CENPF: variants seen among roughly 807,000 people sequenced by gnomAD.
The protein encoded by CENPF is AH antigen.
CENPF carries 214 observed loss-of-function variants against 307.3 expected under a neutral mutation model. The ratio of observed to expected loss-of-function variants is 0.70; its 90% CI spans 0.62 to 0.78. CENPF has a LOEUF of 0.78. Ranked by LOEUF, CENPF falls within the 30% of genes least tolerant of loss-of-function variation. The probability of loss-of-function intolerance (pLI) is 0.00; values close to 1 mark genes in which losing one functional copy is unlikely to be tolerated. For missense variants in CENPF, 3,401 were observed against 3,483.9 expected (o/e 0.98, Z 0.60); for synonymous variants, 1,259 against 1,270.6 (o/e 0.99, Z 0.19).
At chr1:214,623,834 G>A (rs970080066) in intron 7 of CENPF, among the ~76,000 whole-genome samples, 1 of 152,080 alleles carries the variant, frequency 6.6e-6, no homozygotes, top group Admixed American at 6.5e-5. Flanking sequence ...CAAAAATAAA[G>A]TAACATAGAT....
At chr1:214,611,939 G>A (rs185432430) in intron 1 of CENPF, among the ~76,000 whole-genome samples, 9 of 152,286 alleles carry the variant, frequency 5.9e-5, no homozygotes, top group African/African-American at 2.2e-4. Context: ...GGGGTAGTTT[G>A]ACTTCCTCTC....
In CENPF at chr1:214,644,695, A is replaced by G. The variant is rs904491544; in HGVS notation, c.5125A>G (p.Ile1709Val). 4.3e-6 allele frequency: 7 copies of G among 1,614,022 alleles called. No individual in the cohort carries two copies. The highest frequency in any genetic ancestry group is 2.2e-5 in the South Asian group (2 of 91,076). The change falls in exon 13 of 20, where the codon ATA becomes GTA. Residue 1709 changes from isoleucine (I) to valine (V), a missense_variant. Physicochemically the swap from Ile to Val is conservative, Grantham distance 29. Coordinates refer to ENST00000366955, the MANE Select transcript of CENPF (RefSeq NM_016343.4). ...GGACCTCAATCTAGACATTGAGAAAATAACTGAGACTGGTGCAGTGAAACC... is the reference window on the plus strand; with the variant it reads ...GGACCTCAATCTAGACATTGAGAAAGTAACTGAGACTGGTGCAGTGAAACC... ...QQDLNLDIEK[I>V]TETGAVKPTG... is the part of the protein sequence containing the mutation.
At chr1:214,621,916 G>T (rs1259441483) in intron 6 of CENPF, among the ~76,000 whole-genome samples, 163 bp from the exon 7 acceptor site, 3 of 152,292 alleles carry the variant, frequency 2.0e-5, no homozygotes, top group Non-Finnish European at 2.9e-5. Context: ...AATGACAATA[G>T]AAACTAACTA....
intron 8 of CENPF, 114 bp from the exon 9 acceptor site, chr1:214,630,420 C>G: frequency 1.5e-6 from 2 of 1,293,506 alleles, no homozygotes; most frequent in East Asian, 2.3e-5. Context: ...TGGCTCAGCT[C>G]CCTGCTGTCT....
chr1:214,639,416 C>T (rs1658047022), intron 11 of CENPF, among the ~76,000 whole-genome samples: 2 of 152,170 alleles, frequency 1.3e-5, no homozygotes, highest in South Asian at 2.1e-4. Flanking sequence ...ATCATTTACT[C>T]TTTTCTACTT....
In CENPF at chr1:214,642,815, T is replaced by G. The variant is rs764798010; in HGVS notation, c.4477T>G (p.Ser1493Ala). 63 of 1,613,794 alleles carry G rather than the reference T, an allele frequency of 3.9e-5. No homozygotes were observed. The highest frequency in any genetic ancestry group is 4.9e-5 in the Non-Finnish European group (58 of 1,179,956). The change falls in exon 12 of 20, where the codon TCC becomes GCC. Residue 1493 changes from serine (S) to alanine (A), a missense_variant. By Grantham distance (99) the Ser-to-Ala change is moderately conservative. Transcript: ENST00000366955. The stretch of plus-strand genomic sequence containing the variant: ...CTCTAGTCTTAGCAGTTTGGGAGAC[T>G]CCTCCTTTTACAGAGCTCTTTTAGA... ...DSSSLSSLGD[S>A]SFYRALLEQT... is the part of the protein sequence containing the mutation.
chr1:214,645,794 T>G lies in CENPF; in HGVS notation c.6224T>G (p.Leu2075Arg). 6.2e-7 allele frequency: 1 copy of G among 1,614,194 alleles called. No individual in the cohort carries two copies. Among genetic ancestry groups the G allele is most frequent in the Non-Finnish European group, 8.5e-7 (1 of 1,180,030 alleles). ...KELLVKESES[L>R]QARLSESDYE... is the part of the protein sequence containing the mutation. ...TTGCTTGTCAAGGAATCTGAAAGCC[T>G]GCAGGCCAGACTGAGTGAATCAGAT... Residue 2075 changes from leucine to arginine, a missense_variant, in exon 13 of 20, where the codon CTG (leucine) becomes CGG (arginine). Coordinates refer to ENST00000366955, the MANE Select transcript of CENPF (RefSeq NM_016343.4).
At chr1:214,654,354 C>G (rs944898897) in intron 16 of CENPF, 1 of 152,306 alleles carries the variant, frequency 6.6e-6, no homozygotes, top group Non-Finnish European at 1.5e-5. Flanking sequence ...AGGAGGATCA[C>G]TTGAGGCCAG....
At position 214,641,088 on chromosome 1, in the gene CENPF, A is replaced by G. The variant is rs1448272219; in HGVS notation, c.2750A>G (p.Asn917Ser). 6.4e-7 allele frequency: 1 copy of G among 1,568,744 alleles called. No homozygotes were observed. The highest frequency in any genetic ancestry group is 8.6e-7 in the Non-Finnish European group (1 of 1,166,668). Reference sequence around the variant, plus strand: ...AAGGAAAAAGAGCTGCAACTTTTAAATGATAAGGTAGAAACTGAGCAGGCA... The same window carrying G: ...AAGGAAAAAGAGCTGCAACTTTTAAGTGATAAGGTAGAAACTGAGCAGGCA... ...ENKEKELQLL[N>S]DKVETEQAEI... Residue 917 changes from asparagine to serine, a missense_variant, in exon 12 of 20, where the codon AAT becomes AGT. Coordinates refer to ENST00000366955, the MANE Select transcript of CENPF (RefSeq NM_016343.4).
Position 214,663,704 on chromosome 1 carries a change from A to G in CENPF, c.9255A>G (p.Arg3085=). Residue 3085 remains arginine (R), a synonymous_variant, in exon 20 of 20, where the codon AGA becomes AGG. Coordinates refer to ENST00000366955, the MANE Select transcript of CENPF (RefSeq NM_016343.4). ...AGAGAAGTCCGACTGACAGCCCCAG[A>G]GAGGGCCTGAGGGTCAAGCGAGGCC... ...LPERSPTDSP[R]EGLRVKRGRL... The G allele has an allele frequency of 6.2e-7, 1 of 1,614,064 alleles. No individual in the cohort carries two copies. The highest frequency in any genetic ancestry group is 8.5e-7 in the Non-Finnish European group (1 of 1,180,022).
At chr1:214,608,027 G>A (rs1055323143) in intron 1 of CENPF, among the ~76,000 whole-genome samples, 3 of 152,178 alleles carry the variant, frequency 2.0e-5, no homozygotes, top group Non-Finnish European at 2.9e-5. Flanking sequence ...TGGCATCCAC[G>A]CCCCTGTGAC....
intron 10 of CENPF, among the ~76,000 whole-genome samples, chr1:214,636,957 T>C (rs532302547): frequency 1.1e-4 from 17 of 152,342 alleles, no homozygotes; most frequent in African/African-American, 3.6e-4. Flanking sequence ...GTGAGTCTTA[T>C]GTGGTTAATA....
chr1:214,662,426 CTA>C (rs1658810334), intron 19 of CENPF, among the ~76,000 whole-genome samples: 1 of 152,166 alleles, frequency 6.6e-6, no homozygotes, highest in Non-Finnish European at 1.5e-5. Flanking sequence ...GCCAGATTTA[CTA>C]TGTTTCATGT....
rs1339749562 is a variant in CENPF, at chr1:214,659,506, T to A, written c.9141+478T>A. Among the ~76,000 whole-genome samples the A allele has an allele frequency of 6.6e-6, 1 of 151,866 alleles. No individual in the cohort carries two copies. Among genetic ancestry groups the A allele is most frequent in the Admixed American group, 6.6e-5 (1 of 15,240 alleles). On this transcript the variant is annotated intron_variant, in intron 19 of 19. Coordinates refer to ENST00000366955, the MANE Select transcript of CENPF (RefSeq NM_016343.4). This position sits in a 1 kb window ranked among gnomAD's most constrained non-coding sequence, Gnocchi z 4.4. ...TAAGGAAAGGAACTCTGTTTATAGA[T>A]CTCTCTATTTTGATTGTTGAGGATA...
At chr1:214,650,919 A>C (rs1658445042) in intron 14 of CENPF, among the ~76,000 whole-genome samples, 1 of 152,082 alleles carries the variant, frequency 6.6e-6, no homozygotes, top group South Asian at 2.1e-4. Context: ...AACCAACCAA[A>C]CAACAACAGC....
At position 214,604,268 on chromosome 1, in the gene CENPF, A is replaced by C. The variant is rs566061951; in HGVS notation, c.-42+947A>C. Reference sequence around the variant, plus strand: ...GTGCCCTCCACGTATTTAAGAGATAAAGATACAGCATTTTCTGGAAAGGAC... The same window carrying C: ...GTGCCCTCCACGTATTTAAGAGATACAGATACAGCATTTTCTGGAAAGGAC... On this transcript the variant is annotated intron_variant, in intron 1 of 19. Coordinates refer to ENST00000366955, the MANE Select transcript of CENPF (RefSeq NM_016343.4). 4.5e-4 allele frequency among the ~76,000 whole-genome samples: 68 copies of C among 152,264 alleles called. 1 individual carries two copies. The South Asian group carries it at 0.013, about 30-fold the overall frequency.
chr1:214,608,871 G>T lies in CENPF; in HGVS notation c.-41-4843G>T, dbSNP rs1180637474. The T allele has an allele frequency of 4.7e-6, 7 of 1,490,686 alleles. No individual in the cohort carries two copies. In the East Asian group the frequency reaches 1.9e-4, roughly 39 times the overall value. The allele number at this position is 1,490,686 out of a possible 1,614,324, so 92.3% of individuals were successfully genotyped here. A position where few individuals can be genotyped will look rare whatever the true frequency, so the allele number is the denominator to read the frequency against. ...GCGCCGCCCGGGCCAGGCCCCCACC[G>T]GGGCCCCAGCCAACAACGCCGCCCG... On this transcript the variant is annotated intron_variant, in intron 1 of 19. Transcript: ENST00000366955.
In CENPF at chr1:214,643,601, G is replaced by A. The variant is rs147111056; in HGVS notation, c.4986+277G>A. Reference sequence around the variant, plus strand: ...TAAAGTCTGGAGAAAATTATATTATGGAGTCAGAAAGTCTTTAGAATGTGT... The same window carrying A: ...TAAAGTCTGGAGAAAATTATATTATAGAGTCAGAAAGTCTTTAGAATGTGT... On this transcript the variant is annotated intron_variant, in intron 12 of 19. Transcript: ENST00000366955. Among the ~76,000 whole-genome samples the A allele has an allele frequency of 1.4e-3, 208 of 152,220 alleles. 2 individuals are homozygous for A. The highest frequency in any genetic ancestry group is 4.8e-3 in the African/African-American group (201 of 41,524).
At chr1:214,621,004 A>C in intron 6 of CENPF, 58 bp downstream of exon 6, 1 of 1,488,364 alleles carries the variant, frequency 6.7e-7, no homozygotes, top group Non-Finnish European at 9.1e-7. Flanking sequence ...TTCACAGGTG[A>C]TTTCAGATAT....
Sources: gnomAD v4.1 joint callset for allele counts (sites outside exome capture counted in the v4.1 genomes callset) on GRCh38, gnomAD v4.1.1 for gene constraint, Gnocchi (gnomAD v3.1) non-coding constraint, MANE v1.5 for transcripts, NCBI Gene and HGNC (gene_info 2026-07-23, HGNC 2026-07-21) for gene names.